Variants in GRIN2B observed in about 807,000 individuals in gnomAD.
GRIN2B encodes the protein glutamate receptor ionotropic, NMDA 2B.
A neutral mutation model predicts 114.5 loss-of-function variants in GRIN2B; 5 were observed. The ratio of observed to expected loss-of-function variants is 0.04; its 90% CI spans 0.02 to 0.09. The LOEUF (loss-of-function observed/expected upper bound fraction) is 0.09. Ranked by LOEUF, GRIN2B falls within the 10% of genes least tolerant of loss-of-function variation. The pLI, the probability that GRIN2B is intolerant of heterozygous loss-of-function variation, is 1.00. For missense variants in GRIN2B, 1,108 were observed against 1,943.5 expected, an observed-to-expected ratio of 0.57 and a Z score of 8.08; for synonymous variants, 787 against 745.1, an observed-to-expected ratio of 1.06 and a Z score of -0.92.
chr12:13,910,422 A>G (rs946953287), intron 2 of GRIN2B, among the ~76,000 whole-genome samples: 6 of 152,170 alleles, frequency 3.9e-5, no homozygotes, highest in Non-Finnish European at 7.4e-5. Context: ...CACATGGACA[A>G]GATTATGCTA....
Position 13,563,633 on chromosome 12 carries a change from G to A in GRIN2B, c.3605C>T (p.Thr1202Ile). ...GGACCGGTCCTCCCACTCCACGTTG[G>A]TCAGGTTCTTCTCCCAAGGTGCAGG... Reference protein sequence around the residue: ...GVPAPWEKNLTNVEWEDRSGG... With the variant: ...GVPAPWEKNLINVEWEDRSGG... The change falls in exon 14 of 14, where the codon ACC (threonine) becomes ATC (isoleucine). Residue 1202 changes from threonine to isoleucine, a missense_variant. Around this residue, in one of 19 missense-constraint regions of GRIN2B, gnomAD observed 478 missense variants for 506.0 expected, o/e 0.94. Coordinates refer to ENST00000609686, the MANE Select transcript of GRIN2B (RefSeq NM_000834.5). 1 of 1,613,912 alleles carries A rather than the reference G, an allele frequency of 6.2e-7. No individual in the cohort carries two copies. The highest frequency in any genetic ancestry group is 8.5e-7 in the Non-Finnish European group (1 of 1,180,032).
At chr12:13,599,138 T>C (rs922815047) in intron 10 of GRIN2B, among the ~76,000 whole-genome samples, 1 of 152,160 alleles carries the variant, frequency 6.6e-6, no homozygotes, top group Non-Finnish European at 1.5e-5. Context: ...TCCGAGACTA[T>C]AGTGTTTTCA....
chr12:13,662,710 A>T (rs1949936403), intron 5 of GRIN2B, among the ~76,000 whole-genome samples: 1 of 152,112 alleles, frequency 6.6e-6, no homozygotes, highest in South Asian at 2.1e-4. Flanking sequence ...CATAAACCCA[A>T]TCGGCCTCGT....
Position 13,753,248 on chromosome 12 carries a change from C to A in GRIN2B, c.1010+69G>T. The A allele has an allele frequency of 2.1e-6, 2 of 964,418 alleles. No individual in the cohort carries two copies. Among genetic ancestry groups the A allele is most frequent in the Admixed American group, 3.4e-5 (2 of 59,262 alleles). The allele number at this position is 964,418 out of a possible 1,614,324, so 59.7% of individuals were successfully genotyped here. A position where few individuals can be genotyped will look rare whatever the true frequency, so the allele number is the denominator to read the frequency against. ...AACTGTTCTTCCTGCAGTTTCTGAA[C>A]TTCCAACCCCAGTCTTTGAAGCTCC... On this transcript the variant is annotated intron_variant, in intron 4 of 13. Coordinates refer to ENST00000609686, the MANE Select transcript of GRIN2B (RefSeq NM_000834.5). This position sits in a 1 kb window ranked among gnomAD's most constrained non-coding sequence, Gnocchi z 6.2.
chr12:13,963,897 A>G (rs1867743074), intron 2 of GRIN2B, among the ~76,000 whole-genome samples: 1 of 152,212 alleles, frequency 6.6e-6, no homozygotes, highest in Non-Finnish European at 1.5e-5. Context: ...AGGACAAAAT[A>G]GAGACAAATC....
intron 4 of GRIN2B, among the ~76,000 whole-genome samples, chr12:13,751,797 A>G (rs1332120647): frequency 6.6e-6 from 1 of 152,158 alleles, no homozygotes; most frequent in Non-Finnish European, 1.5e-5. Context: ...AAATATACAG[A>G]CATTAATTGT....
intron 4 of GRIN2B, among the ~76,000 whole-genome samples, chr12:13,697,118 C>G (rs567024350): frequency 6.6e-6 from 1 of 152,024 alleles, no homozygotes; most frequent in Non-Finnish European, 1.5e-5. Context: ...TCCCCCACCC[C>G]CAAAATGCAA....
chr12:13,603,443 A>G (rs1385560866), intron 10 of GRIN2B, among the ~76,000 whole-genome samples: 3 of 152,276 alleles, frequency 2.0e-5, no homozygotes, highest in African/African-American at 7.2e-5. Context: ...CAGGAACACC[A>G]TAAGGGCAAA....
chr12:13,880,060 C>T lies in GRIN2B; in HGVS notation c.-18-13834G>A, dbSNP rs191290636. On this transcript the variant is annotated intron_variant, in intron 2 of 13. Coordinates refer to ENST00000609686, the MANE Select transcript of GRIN2B (RefSeq NM_000834.5). ...AATTCAGCCACAAGGACCTGACACC[C>T]CTGCACAGAAAAGCACACACACTCC... Among the ~76,000 whole-genome samples the T allele has an allele frequency of 4.4e-3, 670 of 152,238 alleles. 2 individuals carry two copies. The highest frequency in any genetic ancestry group is 0.012 in the South Asian group (59 of 4,820).
intron 4 of GRIN2B, among the ~76,000 whole-genome samples, chr12:13,701,348 G>A (rs953132133): frequency 6.6e-6 from 1 of 152,078 alleles, no homozygotes; most frequent in Non-Finnish European, 1.5e-5. Flanking sequence ...GAGATTGGAA[G>A]ACTAAAAATT....
chr12:13,794,932 A>G (rs1384916048), intron 3 of GRIN2B, among the ~76,000 whole-genome samples: 1 of 152,214 alleles, frequency 6.6e-6, no homozygotes, highest in East Asian at 1.9e-4. Flanking sequence ...TTCTATTGCC[A>G]GCAAGCCTCA....
chr12:13,675,108 G>A (rs574043784), intron 5 of GRIN2B, among the ~76,000 whole-genome samples: 30 of 152,188 alleles, frequency 2.0e-4, no homozygotes, highest in Middle Eastern at 3.4e-3. Context: ...AATACTTTAC[G>A]TATACTTCAT....
chr12:13,926,195 T>C (rs1201802968), intron 2 of GRIN2B, among the ~76,000 whole-genome samples: 1 of 152,154 alleles, frequency 6.6e-6, no homozygotes, highest in African/African-American at 2.4e-5. Context: ...ATGGACAGAA[T>C]GACCAGGCCA....
At chr12:13,649,181 T>C (rs1949791744) in intron 5 of GRIN2B, among the ~76,000 whole-genome samples, 1 of 151,962 alleles carries the variant, frequency 6.6e-6, no homozygotes, top group Middle Eastern at 3.2e-3. Context: ...GCCGGTAGCA[T>C]GAGGATTTGC....
At chr12:13,749,189 T>C (rs1365896841) in intron 4 of GRIN2B, among the ~76,000 whole-genome samples, 1 of 152,228 alleles carries the variant, frequency 6.6e-6, no homozygotes, top group Admixed American at 6.5e-5. Flanking sequence ...ATATTCTTCC[T>C]TTGGTAACTA....
intron 4 of GRIN2B, among the ~76,000 whole-genome samples, chr12:13,736,136 G>T (rs188960679): frequency 7.7e-5 from 2 of 25,910 alleles, no homozygotes; most frequent in East Asian, 5.7e-3. Context: ...ATAGAAAAGC[G>T]GGGGGGGGGG....
intron 2 of GRIN2B, among the ~76,000 whole-genome samples, chr12:13,872,503 A>G (rs1865928308): frequency 6.6e-6 from 1 of 152,252 alleles, no homozygotes; most frequent in South Asian, 2.1e-4. Flanking sequence ...TATTTTTTAA[A>G]TAGTAATCAT....
chr12:13,693,739 T>C (rs1158541), intron 4 of GRIN2B, among the ~76,000 whole-genome samples: 50,732 of 152,042 alleles, frequency 0.33, 8,608 homozygotes, highest in South Asian at 0.39. Context: ...GAAGCATACA[T>C]CCCTCCTTCC....
chr12:13,841,321 T>G (rs1006027142), intron 3 of GRIN2B, among the ~76,000 whole-genome samples: 2 of 152,174 alleles, frequency 1.3e-5, no homozygotes, highest in Admixed American at 6.5e-5. Flanking sequence ...GTACCACACT[T>G]TTGATATAAA....
Sources: allele counts gnomAD v4.1 joint callset (sites outside exome capture counted in the v4.1 genomes callset), GRCh38; gene constraint gnomAD v4.1.1; regional missense constraint gnomAD v4.1.1; non-coding constraint Gnocchi (gnomAD v3.1); transcripts MANE v1.5; gene names NCBI Gene and HGNC (gene_info 2026-07-23, HGNC 2026-07-21).